The following TMPRSS11F variants were observed in gnomAD, a reference collection of about 807,000 sequenced individuals.
TMPRSS11F encodes the protein transmembrane serine protease 11F.
TMPRSS11F carries 47 observed loss-of-function variants against 60.2 expected under a neutral mutation model. That is an observed-to-expected ratio of 0.78 (90% CI 0.62 to 1.00). The LOEUF (loss-of-function observed/expected upper bound fraction) is 1.00, where lower values mean the gene tolerates loss of function less well. Ranked by LOEUF, TMPRSS11F falls within the 50% of genes least tolerant of loss-of-function variation. The probability of loss-of-function intolerance (pLI) is 0.00; values close to 1 mark genes in which losing one functional copy is unlikely to be tolerated. For missense variants in TMPRSS11F, 519 were observed against 522.9 expected (o/e 0.99, Z 0.07); for synonymous variants, 166 against 167.3 (o/e 0.99, Z 0.06).
chr4:68,092,065 T>C (rs1366927130), intron 2 of TMPRSS11F, among the ~76,000 whole-genome samples: 3 of 152,098 alleles, frequency 2.0e-5, no homozygotes, highest in Non-Finnish European at 2.9e-5. Context: ...GGATTACAGG[T>C]GTGAGCCACC....
chr4:68,119,824 C>A (rs1319032707), intron 1 of TMPRSS11F, among the ~76,000 whole-genome samples: 1 of 152,300 alleles, frequency 6.6e-6, no homozygotes, highest in African/African-American at 2.4e-5. Flanking sequence ...GAAATTATGA[C>A]TTTCAAGTAC....
intron 5 of TMPRSS11F, among the ~76,000 whole-genome samples, chr4:68,071,036 A>G (rs76948424): frequency 0.041 from 6,204 of 152,266 alleles, 370 homozygotes; most frequent in African/African-American, 0.13. Context: ...AAATTATACA[A>G]TAAGAAACTC....
Position 68,092,909 on chromosome 4 carries a change from T to C in TMPRSS11F, c.164-2268A>G, listed in dbSNP as rs539281845. Among the ~76,000 whole-genome samples, 251 of 152,252 alleles carry C rather than the reference T, an allele frequency of 1.6e-3. 1 individual carries two copies. The highest frequency in any genetic ancestry group is 5.9e-3 in the African/African-American group (244 of 41,584). On this transcript the variant is annotated intron_variant, in intron 2 of 9. Coordinates refer to ENST00000356291, the MANE Select transcript of TMPRSS11F (RefSeq NM_207407.2). ...TTTTAAAAGTGCTAAAAATATAAGTTATATATGAAGCATAACTATATTAGT... is the reference window on the plus strand; with the variant it reads ...TTTTAAAAGTGCTAAAAATATAAGTCATATATGAAGCATAACTATATTAGT...
intron 2 of TMPRSS11F, among the ~76,000 whole-genome samples, chr4:68,095,562 T>C (rs1025383905): frequency 3.9e-5 from 6 of 152,156 alleles, no homozygotes; most frequent in Admixed American, 1.3e-4. Context: ...TGAGATGCAC[T>C]GCTGGTAGAA....
At chr4:68,072,906 C>G (rs182347272) in intron 4 of TMPRSS11F, among the ~76,000 whole-genome samples, 264 of 152,160 alleles carry the variant, frequency 1.7e-3, no homozygotes, top group East Asian at 4.2e-3. Context: ...TTTTGTTTAC[C>G]AAACCTAGTT....
At chr4:68,060,637 T>G (rs953502933) in intron 8 of TMPRSS11F, among the ~76,000 whole-genome samples, 4 of 151,188 alleles carry the variant, frequency 2.6e-5, no homozygotes, top group Non-Finnish European at 5.9e-5. Context: ...ACTCGTTTAT[T>G]GTAAAAATCC....
chr4:68,089,273 A>G (rs1009638444), intron 3 of TMPRSS11F, among the ~76,000 whole-genome samples: 2 of 152,160 alleles, frequency 1.3e-5, no homozygotes, highest in Non-Finnish European at 2.9e-5. Flanking sequence ...ACTTTTTCTT[A>G]GTAAAGGTAC....
chr4:68,067,223 A>T (rs1313410009), intron 7 of TMPRSS11F, among the ~76,000 whole-genome samples: 1 of 152,210 alleles, frequency 6.6e-6, no homozygotes, highest in African/African-American at 2.4e-5. Flanking sequence ...CCTTTCATTT[A>T]AAAACTTCTT....
At chr4:68,115,230 G>A (rs1195103578) in intron 1 of TMPRSS11F, among the ~76,000 whole-genome samples, 6 of 150,986 alleles carry the variant, frequency 4.0e-5, no homozygotes, top group African/African-American at 7.3e-5. Flanking sequence ...GATGGCGGGC[G>A]CCTGTAGTCC....
chr4:68,114,721 GAA>G (rs1162312075), intron 1 of TMPRSS11F, among the ~76,000 whole-genome samples: 2 of 141,504 alleles, frequency 1.4e-5, no homozygotes, highest in Non-Finnish European at 3.1e-5. Flanking sequence ...AAGGGAACTG[GAA>G]AAAAAAAAAT....
chr4:68,109,871 T>C (rs1325165676), intron 1 of TMPRSS11F, among the ~76,000 whole-genome samples: 6 of 152,174 alleles, frequency 3.9e-5, no homozygotes, highest in African/African-American at 1.4e-4. Context: ...AGATAATTGA[T>C]GACATCAAGA....
In TMPRSS11F at chr4:68,087,064, C is replaced by T. The variant is rs150268930; in HGVS notation, c.282+3459G>A. ...CTGATACCAAAATTTGACAAAGATA[C>T]GTGAAAAAAGAAAATATCAGGCCAA... On this transcript the variant is annotated intron_variant, in intron 3 of 9. Transcript: ENST00000356291. Among the ~76,000 whole-genome samples, 94 of 152,126 alleles carry T rather than the reference C, an allele frequency of 6.2e-4. No individual in the cohort carries two copies. In the East Asian group the frequency reaches 0.014, roughly 23 times the overall value.
In TMPRSS11F at chr4:68,059,401, C is replaced by T; in HGVS notation, c.1083G>A (p.Lys361=). ...GAGTTATCAGGCCATCATACACATC[C>T]TTTCTGTTACACACATCAGTGCTTA... ...ETISTDVCNR[K]DVYDGLITPG... is the part of the protein sequence containing the mutation. The change falls in exon 9 of 10, where the codon AAG becomes AAA. Residue 361 remains lysine, a synonymous_variant. Transcript: ENST00000356291. The T allele has an allele frequency of 6.2e-7, 1 of 1,613,864 alleles. No homozygotes were observed. The highest frequency in any genetic ancestry group is 8.5e-7 in the Non-Finnish European group (1 of 1,179,968).
intron 3 of TMPRSS11F, among the ~76,000 whole-genome samples, chr4:68,074,505 G>A (rs890521860): frequency 6.6e-6 from 1 of 152,164 alleles, no homozygotes; most frequent in Non-Finnish European, 1.5e-5. Flanking sequence ...ATCCAGTATT[G>A]ATAGAATTTG....
In TMPRSS11F at chr4:68,072,360, C is replaced by T. The variant is rs748817179; in HGVS notation, c.477G>A (p.Leu159=). ...ATGATGGTTTGTTTATGGTCAAAGACAATTGTTTGGTCTTCAAACTTTGAT... is the reference window on the plus strand; with the variant it reads ...ATGATGGTTTGTTTATGGTCAAAGATAATTGTTTGGTCTTCAAACTTTGAT... The part of the protein sequence containing the change: ...ALYQSLKTKQ[L]SLTINKPSFR... Residue 159 remains leucine (L), a synonymous_variant, in exon 5 of 10, where the codon TTG becomes TTA. Transcript: ENST00000356291. The T allele has an allele frequency of 1.7e-5, 27 of 1,602,560 alleles. No individual in the cohort carries two copies. The highest frequency in any genetic ancestry group is 2.3e-5 in the Non-Finnish European group (27 of 1,174,066).
intron 1 of TMPRSS11F, among the ~76,000 whole-genome samples, chr4:68,102,895 C>T (rs1296760296): frequency 6.6e-6 from 1 of 151,406 alleles, no homozygotes; most frequent in Non-Finnish European, 1.5e-5. Flanking sequence ...CTGCCAAGGC[C>T]AATGTCCAGG....
At chr4:68,058,518 C>T (rs1478820629) in intron 9 of TMPRSS11F, among the ~76,000 whole-genome samples, 2 of 152,184 alleles carry the variant, frequency 1.3e-5, no homozygotes, top group African/African-American at 4.8e-5. Context: ...CATATTTTCA[C>T]CAGTCTATTT....
At position 68,099,108 on chromosome 4, in the gene TMPRSS11F, G is replaced by A. The variant is rs1277252827; in HGVS notation, c.12-70C>T. ...GTTCAACTTTATGTTTACTTACTATGTTCCTCTATGAAAATAGTTTATACT... is the reference window on the plus strand; with the variant it reads ...GTTCAACTTTATGTTTACTTACTATATTCCTCTATGAAAATAGTTTATACT... On this transcript the variant is annotated intron_variant, in intron 1 of 9. Coordinates refer to ENST00000356291, the MANE Select transcript of TMPRSS11F (RefSeq NM_207407.2). 11 of 1,314,716 alleles carry A rather than the reference G, an allele frequency of 8.4e-6. No individual in the cohort carries two copies. The East Asian group carries it at 1.7e-4, about 20-fold the overall frequency. 81.4% of individuals were successfully genotyped at this position (1,314,716 alleles called of 1,614,324 possible). A position where few individuals can be genotyped will look rare whatever the true frequency, so the allele number is the denominator to read the frequency against.
At chr4:68,059,752 TC>T (rs1250268845) in intron 8 of TMPRSS11F, among the ~76,000 whole-genome samples, 44 of 152,164 alleles carry the variant, frequency 2.9e-4, no homozygotes, top group African/African-American at 1.1e-3. Context: ...GGGTCCATAG[TC>T]CTCATTAGAT....
Sources: gnomAD v4.1 joint callset for allele counts (sites outside exome capture counted in the v4.1 genomes callset) on GRCh38, gnomAD v4.1.1 for gene constraint, MANE v1.5 for transcripts, NCBI Gene and HGNC (gene_info 2026-07-23, HGNC 2026-07-21) for gene names.